The following COLEC12 variants were observed in gnomAD, a reference collection of about 807,000 sequenced individuals.
COLEC12 encodes the protein collectin subfamily member 12, also known as collectin-12.
COLEC12 carries 33 observed loss-of-function variants against 71.1 expected under a neutral mutation model. The observed-to-expected ratio is 0.46, with a 90% confidence interval of 0.35 to 0.62. COLEC12 has a LOEUF of 0.62. COLEC12 is among the 20% of genes least tolerant of loss of function. COLEC12 has a pLI of 0.00. For synonymous variants in COLEC12, 350 were observed against 353.0 expected (o/e 0.99, Z 0.10); for missense variants, 765 against 916.1 (o/e 0.84, Z 2.13).
intron 5 of COLEC12, among the ~76,000 whole-genome samples, chr18:337,334 G>T (rs1317094725): frequency 6.6e-6 from 1 of 152,138 alleles, no homozygotes; most frequent in African/African-American, 2.4e-5. Context: ...CTCTGTAGGG[G>T]GATCTCCCTG....
intron 2 of COLEC12, among the ~76,000 whole-genome samples, chr18:423,451 T>C (rs571218316): frequency 1.4e-4 from 21 of 152,280 alleles, no homozygotes; most frequent in African/African-American, 4.8e-4. Flanking sequence ...TTTAACAAAA[T>C]AGCCTCAAAA....
intron 1 of COLEC12, among the ~76,000 whole-genome samples, chr18:490,733 A>G (rs528205196): frequency 6.6e-6 from 1 of 152,346 alleles, no homozygotes; most frequent in South Asian, 2.1e-4. Flanking sequence ...TCAACCTGAA[A>G]CCACAGAAGA....
intron 9 of COLEC12, among the ~76,000 whole-genome samples, chr18:321,240 G>A (rs1386790452): frequency 6.6e-6 from 1 of 152,160 alleles, no homozygotes; most frequent in Non-Finnish European, 1.5e-5. Context: ...TTTTAGTAGA[G>A]ATGGGGTTTC....
intron 2 of COLEC12, among the ~76,000 whole-genome samples, chr18:369,480 G>A (rs1278269752): frequency 2.3e-5 from 3 of 128,372 alleles, no homozygotes; most frequent in African/African-American, 5.6e-5. Flanking sequence ...TTAAGTTTTA[G>A]GGTACATGTG....
At chr18:368,109 G>A (rs1914894898) in intron 2 of COLEC12, among the ~76,000 whole-genome samples, 1 of 152,222 alleles carries the variant, frequency 6.6e-6, no homozygotes, top group Non-Finnish European at 1.5e-5. Flanking sequence ...ATGGGAACAT[G>A]TAGGCTTATT....
At chr18:469,872 A>AG (rs2143751150) in intron 2 of COLEC12, among the ~76,000 whole-genome samples, 1 of 53,674 alleles carries the variant, frequency 1.9e-5, no homozygotes, top group Admixed American at 1.9e-4. Flanking sequence ...ACTTCCATAA[A>AG]GATTTTTTTT....
At chr18:320,206 T>C (rs1913669892) in intron 9 of COLEC12, 142 bp from the exon 10 acceptor site, 1 of 555,646 alleles carries the variant, frequency 1.8e-6, no homozygotes, top group South Asian at 2.6e-5. Flanking sequence ...CAAAGAAATG[T>C]CTAGAAGATC....
chr18:374,054 T>C (rs1347807417), intron 2 of COLEC12, among the ~76,000 whole-genome samples: 4 of 152,186 alleles, frequency 2.6e-5, no homozygotes, highest in African/African-American at 7.2e-5. Context: ...CTCTTGTGCA[T>C]GTCTGTAAAC....
At chr18:355,072 C>G (rs1387813691) in intron 3 of COLEC12, among the ~76,000 whole-genome samples, 1 of 152,052 alleles carries the variant, frequency 6.6e-6, no homozygotes, top group Non-Finnish European at 1.5e-5. Context: ...TCCATCCATC[C>G]ATCCATCCAT....
intron 2 of COLEC12, among the ~76,000 whole-genome samples, chr18:467,205 G>C (rs1380902214): frequency 6.6e-6 from 1 of 152,094 alleles, no homozygotes; most frequent in Admixed American, 6.6e-5. Context: ...TTTCCAAAAA[G>C]GCAGAGAATG....
At chr18:388,945 CT>C (rs1915402223) in intron 2 of COLEC12, among the ~76,000 whole-genome samples, 1 of 152,130 alleles carries the variant, frequency 6.6e-6, no homozygotes, top group Non-Finnish European at 1.5e-5. Flanking sequence ...TCTCCAAGTA[CT>C]TCTTCCTCCT....
intron 1 of COLEC12, among the ~76,000 whole-genome samples, chr18:485,774 C>G (rs144860811): frequency 1.3e-5 from 2 of 152,354 alleles, no homozygotes; most frequent in African/African-American, 4.8e-5. Flanking sequence ...TCCAGTCAAT[C>G]TGTGGACCAA....
intron 2 of COLEC12, chr18:424,327 C>A (rs988246777): frequency 6.6e-6 from 1 of 152,296 alleles, no homozygotes; most frequent in Admixed American, 6.5e-5. Flanking sequence ...TAACACTAAG[C>A]AGTATATAAT....
At position 500,695 on chromosome 18, in the gene COLEC12, C is replaced by A; in HGVS notation, c.-181G>T. On this transcript the variant is annotated 5_prime_UTR_variant, in exon 1 of 10. Coordinates refer to ENST00000400256, the MANE Select transcript of COLEC12 (RefSeq NM_130386.3). The surrounding 1 kb of genome is among the most constrained non-coding windows in gnomAD (Gnocchi z 5.3). ...CGCTCCCCGCGCTCCCGGCTCCGCG[C>A]TCTGCTGCCTCGGGGCTGCCGCGCG... 1 of 227,738 alleles carries A rather than the reference C, an allele frequency of 4.4e-6. No homozygotes were observed. Among genetic ancestry groups the A allele is most frequent in the Non-Finnish European group, 7.5e-6 (1 of 133,846 alleles). 14.1% of individuals were successfully genotyped at this position (227,738 alleles called of 1,614,324 possible).
At chr18:435,181 C>T (rs921426306) in intron 2 of COLEC12, among the ~76,000 whole-genome samples, 1 of 152,204 alleles carries the variant, frequency 6.6e-6, no homozygotes, top group Non-Finnish European at 1.5e-5. Flanking sequence ...CTGACTTGAC[C>T]TTCCAATTTG....
At chr18:381,285 G>T (rs951590830) in intron 2 of COLEC12, among the ~76,000 whole-genome samples, 3 of 152,136 alleles carry the variant, frequency 2.0e-5, no homozygotes, top group African/African-American at 4.8e-5. Context: ...AGAGAAGAGG[G>T]ATATTGAAAT....
rs758777869 is a variant in COLEC12 at position 332,998 on chromosome 18, C to T, written c.1953+9G>A. The T allele has an allele frequency of 1.9e-6, 3 of 1,552,956 alleles. No individual in the cohort carries two copies. Among genetic ancestry groups the T allele is most frequent in the Non-Finnish European group, 8.7e-7 (1 of 1,153,566 alleles). On this transcript the variant is annotated intron_variant, in intron 7 of 9. Coordinates refer to ENST00000400256, the MANE Select transcript of COLEC12 (RefSeq NM_130386.3). ...TAGTTTTCCCCAACCAAGTATGTGGCAGGCATACCTGTTCCTCTCTAGTGT... is the reference window on the plus strand; with the variant it reads ...TAGTTTTCCCCAACCAAGTATGTGGTAGGCATACCTGTTCCTCTCTAGTGT...
At chr18:351,773 T>C (rs1914527901) in intron 3 of COLEC12, among the ~76,000 whole-genome samples, 1 of 152,182 alleles carries the variant, frequency 6.6e-6, no homozygotes, top group Non-Finnish European at 1.5e-5. Flanking sequence ...TTAGGGTACA[T>C]GTGCACAACG....
chr18:393,264 A>G (rs1320628925), intron 2 of COLEC12, among the ~76,000 whole-genome samples: 2 of 152,216 alleles, frequency 1.3e-5, no homozygotes, highest in Non-Finnish European at 2.9e-5. Flanking sequence ...TCCCATCTTG[A>G]GCCTCTGAAG....
Sources: allele counts gnomAD v4.1 joint callset (sites outside exome capture counted in the v4.1 genomes callset), GRCh38; gene constraint gnomAD v4.1.1; non-coding constraint Gnocchi (gnomAD v3.1); transcripts MANE v1.5; gene names NCBI Gene and HGNC (gene_info 2026-07-23, HGNC 2026-07-21).